Variants in PHTF2 observed in about 807,000 individuals in gnomAD.
The protein encoded by PHTF2 is protein PHTF2.
A neutral mutation model predicts 101.2 loss-of-function variants in PHTF2; 60 were observed. That is an observed-to-expected ratio of 0.59 (90% CI 0.48 to 0.73). The LOEUF is 0.73. Among genes scored for constraint, PHTF2 ranks in the 30% least tolerant of loss-of-function variants. The probability of loss-of-function intolerance (pLI) is 0.00; values close to 1 mark genes in which losing one functional copy is unlikely to be tolerated. For missense variants in PHTF2, 747 were observed against 908.7 expected, an observed-to-expected ratio of 0.82 and a Z score of 2.29; for synonymous variants, 311 against 307.3, an observed-to-expected ratio of 1.01 and a Z score of -0.13.
At chr7:77,901,974 T>A in intron 7 of PHTF2, 54 bp downstream of exon 6, 1 of 1,121,714 alleles carries the variant, frequency 8.9e-7, no homozygotes, top group Non-Finnish European at 1.2e-6. Context: ...TTGTTAGGTT[T>A]AATAAGTCTT....
At chr7:77,954,713 C>A in intron 19 of PHTF2, 145 bp from the exon 19 acceptor site, 3 of 388,550 alleles carry the variant, frequency 7.7e-6, no homozygotes, top group South Asian at 4.0e-5. Flanking sequence ...AAGGTGAGTT[C>A]TTCTTAAAAG....
intron 5 of PHTF2, among the ~76,000 whole-genome samples, chr7:77,900,507 A>T (rs1264532513): frequency 6.6e-6 from 1 of 152,208 alleles, no homozygotes; most frequent in Non-Finnish European, 1.5e-5. Flanking sequence ...TGTTACACAC[A>T]TCTCTAAATA....
At chr7:77,866,543 AGTC>A in intron 3 of PHTF2, among the ~76,000 whole-genome samples, 1 of 152,142 alleles carries the variant, frequency 6.6e-6, no homozygotes, top group African/African-American at 2.4e-5. Flanking sequence ...TGGAATTGGA[AGTC>A]AGAAGCTGGG....
chr7:77,819,356 A>T (rs977300551), intron 1 of PHTF2, among the ~76,000 whole-genome samples: 7 of 152,210 alleles, frequency 4.6e-5, no homozygotes, highest in African/African-American at 1.7e-4. Context: ...AGTCAGTATG[A>T]TGTTAGCTTT....
intron 3 of PHTF2, chr7:77,854,840 T>C: frequency 1.3e-6 from 1 of 757,268 alleles, no homozygotes; most frequent in African/African-American, 1.7e-5. Flanking sequence ...GTTTGGTGAG[T>C]AATGCCAGGC....
intron 1 of PHTF2, among the ~76,000 whole-genome samples, chr7:77,817,980 G>A (rs1488662026): frequency 6.6e-6 from 1 of 151,746 alleles, no homozygotes; most frequent in African/African-American, 2.4e-5. Flanking sequence ...CATGGTGGCG[G>A]GCGCCTGTAA....
chr7:77,926,482 A>G (rs1157133791), intron 11 of PHTF2, among the ~76,000 whole-genome samples: 2 of 151,964 alleles, frequency 1.3e-5, no homozygotes, highest in Non-Finnish European at 2.9e-5. Context: ...CTATTAACAC[A>G]CTGTAGATTC....
At position 77,860,107 on chromosome 7, in the gene PHTF2, C is replaced by G. The variant is rs539057509; in HGVS notation, c.147+5273C>G. On this transcript the variant is annotated intron_variant, in intron 3 of 19. Transcript: ENST00000416283. ...GTCCTAATCTTGGAGGATTGTCAAA[C>G]CTACTTTGTGATAAATTATTGATTG... Among the ~76,000 whole-genome samples the G allele has an allele frequency of 1.1e-3, 169 of 152,162 alleles. 1 individual carries two copies. Among genetic ancestry groups the G allele is most frequent in the African/African-American group, 4.0e-3 (166 of 41,506 alleles).
intron 9 of PHTF2, among the ~76,000 whole-genome samples, chr7:77,911,229 A>T (rs538617789): frequency 1.3e-5 from 2 of 151,890 alleles, no homozygotes; most frequent in Admixed American, 1.3e-4. Context: ...TTTTGCATAC[A>T]ACTATACAAA....
At position 77,925,495 on chromosome 7, in the gene PHTF2, G is replaced by GTTTTTTTTTTTTTTTTTTTTTTTTT. The variant is rs58290945; in HGVS notation, c.1119+2724_1119+2748dup. Among the ~76,000 whole-genome samples, 9 of 73,166 alleles carry GTTTTTTTTTTTTTTTTTTTTTTTTT rather than the reference G, an allele frequency of 1.2e-4. 1 individual carries two copies. Among genetic ancestry groups the GTTTTTTTTTTTTTTTTTTTTTTTTT allele is most frequent in the African/African-American group, 4.0e-4 (7 of 17,300 alleles). 48.0% of individuals were successfully genotyped at this position (73,166 alleles called of 152,430 possible). A position where few individuals can be genotyped will look rare whatever the true frequency, so the allele number is the denominator to read the frequency against. On this transcript the variant is annotated intron_variant, in intron 11 of 19. Coordinates refer to ENST00000416283, the Ensembl canonical transcript of PHTF2. ...GCAATTATAGGCAATAGTTTTTAGG[G>GTTTTTTTTTTTTTTTTTTTTTTTTT]TTTTTTTTTTTTTTTTTTTTTTTTT...
chr7:77,881,085 C>T (rs1469265005), intron 3 of PHTF2, among the ~76,000 whole-genome samples: 1 of 152,084 alleles, frequency 6.6e-6, no homozygotes, highest in Non-Finnish European at 1.5e-5. Context: ...CCCCAAACTC[C>T]CCAGCTTCCA....
chr7:77,821,637 C>T (rs1329543725), intron 1 of PHTF2, among the ~76,000 whole-genome samples: 2 of 152,022 alleles, frequency 1.3e-5, no homozygotes, highest in Admixed American at 6.5e-5. Flanking sequence ...ACATGCCCCA[C>T]ATGGAGCTGT....
In PHTF2 at chr7:77,899,959, A is replaced by T. The variant is rs182976633; in HGVS notation, c.217-752A>T. Among the ~76,000 whole-genome samples the T allele has an allele frequency of 3.1e-3, 474 of 151,520 alleles. 4 individuals carry two copies. Among genetic ancestry groups the T allele is most frequent in the African/African-American group, 1.0e-2 (412 of 41,298 alleles). The stretch of plus-strand genomic sequence containing the variant: ...CTTAACATTCTAGTCTTAAGTAATA[A>T]TTTACTTTGTTATAGGTTTTTTTTT... On this transcript the variant is annotated intron_variant, in intron 5 of 19. Coordinates refer to ENST00000416283, the Ensembl canonical transcript of PHTF2.
intron 1 of PHTF2, among the ~76,000 whole-genome samples, chr7:77,801,701 C>T (rs541682297): frequency 6.6e-6 from 1 of 152,288 alleles, no homozygotes; most frequent in East Asian, 1.9e-4. Flanking sequence ...GTAAATGAAA[C>T]ATAAATGAAT....
At chr7:77,941,961 C>T (rs1216186975) in intron 15 of PHTF2, among the ~76,000 whole-genome samples, 1 of 152,160 alleles carries the variant, frequency 6.6e-6, no homozygotes, top group Admixed American at 6.5e-5. Context: ...CCTTATTCAC[C>T]TGTCTTTTGT....
At chr7:77,898,693 T>G (rs1266913136) in intron 5 of PHTF2, among the ~76,000 whole-genome samples, 1 of 152,208 alleles carries the variant, frequency 6.6e-6, no homozygotes, top group African/African-American at 2.4e-5. Flanking sequence ...TGTTTCTGTT[T>G]AAAGACACCT....
At chr7:77,949,700 T>C (rs1806374993) in exon 17 of PHTF2, 1 of 1,575,710 alleles carries the variant, frequency 6.3e-7, no homozygotes, top group South Asian at 1.2e-5. Context: ...CACGAGATCT[T>C]CCTTGATTGT....
At chr7:77,929,947 A>ATTTTT (rs761290166) in intron 12 of PHTF2, among the ~76,000 whole-genome samples, 2 of 122,158 alleles carry the variant, frequency 1.6e-5, no homozygotes, top group African/African-American at 3.2e-5. Flanking sequence ...GACTAGCCAC[A>ATTTTT]TTTTTTTTTT....
At chr7:77,950,759 TCTTTCTGTGGC>T (rs1806468796) in intron 17 of PHTF2, among the ~76,000 whole-genome samples, 1 of 152,200 alleles carries the variant, frequency 6.6e-6, no homozygotes, top group Non-Finnish European at 1.5e-5. Flanking sequence ...TAATCACCTT[TCTTTCTGTGGC>T]CTTTCTGTAG....
Sources: gnomAD v4.1 joint callset for allele counts (sites outside exome capture counted in the v4.1 genomes callset) on GRCh38, gnomAD v4.1.1 for gene constraint, MANE v1.5 for transcripts, NCBI Gene and HGNC (gene_info 2026-07-23, HGNC 2026-07-21) for gene names.